The following DPYD variants were observed in gnomAD, a reference collection of about 807,000 sequenced individuals.
DPYD encodes dihydropyrimidine dehydrogenase, also known as dihydropyrimidine dehydrogenase [NADP(+)].
DPYD carries 109 observed loss-of-function variants against 116.2 expected under a neutral mutation model. The observed-to-expected ratio is 0.94, with a 90% CI of 0.80 to 1.10. The LOEUF (loss-of-function observed/expected upper bound fraction) is 1.10, where lower values mean the gene tolerates loss of function less well. DPYD is among the 50% of genes least tolerant of loss of function. The pLI, the probability that DPYD is intolerant of heterozygous loss-of-function variation, is 0.00. For missense variants in DPYD, 1,302 were observed against 1,254.5 expected, an observed-to-expected ratio of 1.04 and a Z score of -0.57; for synonymous variants, 440 against 432.0, an observed-to-expected ratio of 1.02 and a Z score of -0.23.
chr1:97,552,398 G>A (rs1030626686), intron 11 of DPYD, among the ~76,000 whole-genome samples: 22 of 152,028 alleles, frequency 1.4e-4, no homozygotes, highest in East Asian at 5.8e-4. Context: ...TCACAAACTC[G>A]GTCCATAAGT....
At chr1:97,345,050 G>A (rs547990815) in intron 16 of DPYD, among the ~76,000 whole-genome samples, 15 of 151,862 alleles carry the variant, frequency 9.9e-5, no homozygotes, top group Middle Eastern at 3.4e-3. Context: ...GGTTTAATTC[G>A]TATTTCCATT....
intron 11 of DPYD, among the ~76,000 whole-genome samples, chr1:97,558,850 C>T (rs1336202613): frequency 7.2e-5 from 11 of 152,138 alleles, no homozygotes; most frequent in South Asian, 4.1e-4. Context: ...CTATTTAAGA[C>T]GCTGAACTCC....
chr1:97,136,082 A>G (rs34454297), intron 20 of DPYD, among the ~76,000 whole-genome samples: 2,245 of 152,256 alleles, frequency 0.015, 41 homozygotes, highest in African/African-American at 0.052. Context: ...TAACGTTAAG[A>G]CTGAAATTTA....
At chr1:97,826,074 G>A (rs953891409) in intron 3 of DPYD, among the ~76,000 whole-genome samples, 4 of 152,008 alleles carry the variant, frequency 2.6e-5, no homozygotes, top group African/African-American at 9.7e-5. Flanking sequence ...AAGCAAACAA[G>A]TACATTTCAT....
intron 19 of DPYD, among the ~76,000 whole-genome samples, chr1:97,212,395 G>C (rs1044056429): frequency 6.6e-6 from 1 of 152,024 alleles, no homozygotes; most frequent in Non-Finnish European, 1.5e-5. Flanking sequence ...CTATTATGGT[G>C]TCAGTCTATT....
At chr1:97,362,813 T>G (rs1278064914) in intron 16 of DPYD, among the ~76,000 whole-genome samples, 1 of 152,146 alleles carries the variant, frequency 6.6e-6, no homozygotes, top group African/African-American at 2.4e-5. Flanking sequence ...CAAGATGGAT[T>G]AAAGACTCAC....
intron 12 of DPYD, among the ~76,000 whole-genome samples, chr1:97,533,728 C>A (rs1331319700): frequency 6.6e-6 from 1 of 152,152 alleles, no homozygotes; most frequent in African/African-American, 2.4e-5. Flanking sequence ...CCAATACTTG[C>A]TCTTGTGTTA....
intron 13 of DPYD, among the ~76,000 whole-genome samples, chr1:97,484,873 T>C (rs1302976560): frequency 1.3e-5 from 2 of 152,222 alleles, no homozygotes; most frequent in African/African-American, 4.8e-5. Context: ...ACTGATTATT[T>C]TTCCGCTCAC....
intron 20 of DPYD, among the ~76,000 whole-genome samples, chr1:97,137,869 C>T (rs1653927222): frequency 1.3e-5 from 2 of 152,020 alleles, no homozygotes; most frequent in South Asian, 4.2e-4. Context: ...TACCAGGGAA[C>T]ACTCCTTCCA....
At chr1:97,804,981 T>A (rs1271461528) in intron 3 of DPYD, among the ~76,000 whole-genome samples, 8 of 151,926 alleles carry the variant, frequency 5.3e-5, no homozygotes, top group Non-Finnish European at 1.0e-4. Flanking sequence ...ATAAAATATT[T>A]TGTTAAAACA....
At chr1:97,472,390 T>C (rs1034183236) in intron 13 of DPYD, among the ~76,000 whole-genome samples, 1 of 152,216 alleles carries the variant, frequency 6.6e-6, no homozygotes, top group Non-Finnish European at 1.5e-5. Context: ...CACATCACTT[T>C]TGATAGGTTC....
At chr1:97,905,265 G>T (rs1366675726) in intron 1 of DPYD, among the ~76,000 whole-genome samples, 2 of 151,792 alleles carry the variant, frequency 1.3e-5, no homozygotes, top group African/African-American at 2.4e-5. Context: ...AGGGAGCAAG[G>T]GTTAGACTAA....
chr1:97,122,453 A>G (rs555945170), intron 20 of DPYD, among the ~76,000 whole-genome samples: 1 of 152,282 alleles, frequency 6.6e-6, no homozygotes, highest in Non-Finnish European at 1.5e-5. Context: ...TTATAACTGT[A>G]AAGCAGTAAA....
chr1:97,827,449 T>C (rs1238978673), intron 3 of DPYD, among the ~76,000 whole-genome samples: 7 of 152,104 alleles, frequency 4.6e-5, no homozygotes, highest in African/African-American at 1.4e-4. Flanking sequence ...TTTCAATGTC[T>C]AATAAAAAGC....
chr1:97,226,191 T>C (rs1415912316), intron 19 of DPYD, among the ~76,000 whole-genome samples: 1 of 152,130 alleles, frequency 6.6e-6, no homozygotes, highest in Non-Finnish European at 1.5e-5. Context: ...TTGAACATCT[T>C]TCTTAATAAA....
intron 13 of DPYD, among the ~76,000 whole-genome samples, chr1:97,515,043 G>T (rs544405089): frequency 2.6e-5 from 4 of 151,906 alleles, no homozygotes; most frequent in African/African-American, 9.6e-5. Flanking sequence ...TCAATAAATG[G>T]TCTAAAAATG....
At chr1:97,912,145 T>C (rs1673972436) in intron 1 of DPYD, among the ~76,000 whole-genome samples, 1 of 152,114 alleles carries the variant, frequency 6.6e-6, no homozygotes, top group African/African-American at 2.4e-5. Context: ...GGTCCCCTTT[T>C]CCTTTTTTAA....
intron 11 of DPYD, among the ~76,000 whole-genome samples, chr1:97,565,796 C>T (rs1374057905): frequency 6.6e-6 from 1 of 152,004 alleles, no homozygotes; most frequent in African/African-American, 2.4e-5. Flanking sequence ...CACAGTTGTG[C>T]ATCAAGAAAT....
intron 10 of DPYD, among the ~76,000 whole-genome samples, chr1:97,583,864 C>T (rs1414587822): frequency 6.6e-6 from 1 of 152,010 alleles, no homozygotes; most frequent in Non-Finnish European, 1.5e-5. Context: ...AATAGTGCCG[C>T]AATAAACATA....
Sources: gnomAD v4.1 joint callset for allele counts (sites outside exome capture counted in the v4.1 genomes callset) on GRCh38, gnomAD v4.1.1 for gene constraint, MANE v1.5 for transcripts, NCBI Gene and HGNC (gene_info 2026-07-23, HGNC 2026-07-21) for gene names.